The following SIK3 variants were observed in gnomAD, a reference collection of about 807,000 sequenced individuals.
SIK3 encodes serine/threonine-protein kinase SIK3.
Under a neutral mutation model 144.2 loss-of-function variants are expected in SIK3, and 28 were observed. The ratio of observed to expected loss-of-function variants is 0.19; its 90% CI spans 0.14 to 0.27. The LOEUF is 0.27. SIK3 is among the 10% of genes least tolerant of loss of function. The pLI, the probability that SIK3 is intolerant of heterozygous loss-of-function variation, is 1.00. For missense variants in SIK3, 1,319 were observed against 1,776.0 expected (o/e 0.74, Z 4.62); for synonymous variants, 686 against 676.3 (o/e 1.01, Z -0.22).
At chr11:116,872,348 C>T (rs987668664) in intron 13 of SIK3, among the ~76,000 whole-genome samples, 6 of 152,226 alleles carry the variant, frequency 3.9e-5, no homozygotes, top group Non-Finnish European at 7.3e-5. Context: ...ATGATCCTTC[C>T]AAACCTGTCT....
chr11:117,098,103 C>G, intron 1 of SIK3, 40 bp downstream of exon 1: 1 of 1,395,028 alleles, frequency 7.2e-7, no homozygotes. Context: ...TCTCCCGGCC[C>G]CGCCACGCTC....
chr11:117,048,745 G>GA (rs1953083883), intron 1 of SIK3, among the ~76,000 whole-genome samples: 1 of 151,946 alleles, frequency 6.6e-6, no homozygotes, highest in South Asian at 2.1e-4. Context: ...ACATATCCAA[G>GA]AAAAAAATGC....
At chr11:116,896,402 C>T in intron 5 of SIK3, 26 bp from the exon 6 acceptor site, 1 of 1,609,522 alleles carries the variant, frequency 6.2e-7, no homozygotes, top group Non-Finnish European at 8.5e-7. Flanking sequence ...AGAGGATGTA[C>T]AATTAATCAC....
intron 13 of SIK3, 134 bp from the exon 14 acceptor site, chr11:116,870,535 T>A (rs1943913285): frequency 8.7e-7 from 1 of 1,153,224 alleles, no homozygotes; most frequent in African/African-American, 1.6e-5. Flanking sequence ...TCCTGGGTTA[T>A]ACAGGATTTT....
intron 1 of SIK3, among the ~76,000 whole-genome samples, chr11:117,059,900 G>A (rs1016606031): frequency 6.6e-6 from 1 of 152,208 alleles, no homozygotes; most frequent in African/African-American, 2.4e-5. Context: ...TTTACTGCTG[G>A]TGGGAAAGCA....
chr11:116,938,764 C>CA (rs1201394509), intron 3 of SIK3, among the ~76,000 whole-genome samples: 2 of 151,918 alleles, frequency 1.3e-5, no homozygotes, highest in Non-Finnish European at 2.9e-5. Flanking sequence ...ACAAAAATAT[C>CA]AAAGACTATT....
At chr11:116,917,473 G>A (rs748577031) in intron 4 of SIK3, among the ~76,000 whole-genome samples, 12 of 152,098 alleles carry the variant, frequency 7.9e-5, no homozygotes, top group Non-Finnish European at 1.5e-4. Context: ...AGTTAGGTAG[G>A]TGGGGTGAGA....
chr11:116,851,033 C>A (rs1262855719), intron 21 of SIK3, among the ~76,000 whole-genome samples: 1 of 152,104 alleles, frequency 6.6e-6, no homozygotes, highest in Non-Finnish European at 1.5e-5. Flanking sequence ...AAAATAAATA[C>A]TCTCTTAATA....
intron 1 of SIK3, among the ~76,000 whole-genome samples, chr11:117,047,069 TTAATA>T (rs1461398862): frequency 6.6e-6 from 1 of 152,236 alleles, no homozygotes; most frequent in Non-Finnish European, 1.5e-5. Flanking sequence ...TCCACAGTAT[TTAATA>T]TAACTTTTAT....
intron 1 of SIK3, among the ~76,000 whole-genome samples, chr11:116,973,272 G>A (rs948181847): frequency 6.6e-6 from 1 of 152,168 alleles, no homozygotes; most frequent in African/African-American, 2.4e-5. Flanking sequence ...AACAGCTCAT[G>A]GTTCTTTATA....
Position 116,858,470 on chromosome 11 carries a change from G to A in SIK3, c.2995C>T (p.Leu999=), listed in dbSNP as rs1414814279. 2 of 1,605,572 alleles carry A rather than the reference G, an allele frequency of 1.2e-6. No individual in the cohort carries two copies. Among genetic ancestry groups the A allele is most frequent in the African/African-American group, 1.3e-5 (1 of 74,928 alleles). The change falls in exon 21 of 25, where the codon CTG becomes TTG. Residue 999 remains leucine (L), a synonymous_variant. Coordinates refer to ENST00000445177, the MANE Select transcript of SIK3 (RefSeq NM_001366686.3). The surrounding 1 kb of genome is among the most constrained non-coding windows in gnomAD (Gnocchi z 5.4). ...HYTTSALQQA[L]LSPTPPDYTR... is the part of the protein sequence containing the mutation. ...TAGTCTGGCGGCGTGGGAGACAGCA[G>A]GGCCTGCTGTAGTGCCGACGTGGTA...
intron 1 of SIK3, among the ~76,000 whole-genome samples, chr11:116,992,325 C>T (rs981123734): frequency 1.5e-5 from 2 of 131,660 alleles, no homozygotes; most frequent in South Asian, 2.6e-4. Context: ...ACCCCCCCCC[C>T]CAAAAAAAAA....
At chr11:116,937,621 T>G (rs1182975997) in intron 3 of SIK3, among the ~76,000 whole-genome samples, 1 of 152,198 alleles carries the variant, frequency 6.6e-6, no homozygotes, top group Non-Finnish European at 1.5e-5. Context: ...TTTCAATCAA[T>G]CAGTCTCTCC....
chr11:117,031,148 T>C (rs1250876224), intron 1 of SIK3, among the ~76,000 whole-genome samples: 4 of 152,254 alleles, frequency 2.6e-5, no homozygotes, highest in African/African-American at 9.6e-5. Flanking sequence ...CAAAATGTTT[T>C]AGTTCTTATG....
intron 1 of SIK3, among the ~76,000 whole-genome samples, chr11:116,997,797 G>C (rs1184677030): frequency 6.6e-6 from 1 of 152,208 alleles, no homozygotes; most frequent in Non-Finnish European, 1.5e-5. Flanking sequence ...CATACGACCA[G>C]GACAGTCAAG....
chr11:116,937,640 A>C (rs972203092), intron 3 of SIK3, among the ~76,000 whole-genome samples: 3 of 152,214 alleles, frequency 2.0e-5, no homozygotes, highest in Non-Finnish European at 4.4e-5. Flanking sequence ...CCCCTCACTC[A>C]TATCAAAAAA....
At chr11:116,950,240 C>T in intron 3 of SIK3, 1 of 447,156 alleles carries the variant, frequency 2.2e-6, no homozygotes, top group Non-Finnish European at 4.6e-6. Flanking sequence ...ATGAGAATTG[C>T]TGATGTCCAA....
In SIK3 at chr11:116,849,675, T is replaced by C. The variant is rs1027132758; in HGVS notation, c.3656-392A>G. 6.6e-6 allele frequency among the ~76,000 whole-genome samples: 1 copy of C among 152,102 alleles called. No homozygotes were observed. The highest frequency in any genetic ancestry group is 6.6e-5 in the Admixed American group (1 of 15,256). On this transcript the variant is annotated intron_variant, in intron 21 of 24. Transcript: ENST00000445177. This position sits in a 1 kb window ranked among gnomAD's most constrained non-coding sequence, Gnocchi z 4.2. ...GTTCTGTGGCTGGCTGCGTCCTCTC[T>C]CCTCCCCCGGTGACCTCAGTGTACC...
Position 116,861,596 on chromosome 11 carries a change from T to C in SIK3, c.2316-213A>G, listed in dbSNP as rs555994363. Among the ~76,000 whole-genome samples the C allele has an allele frequency of 6.6e-5, 10 of 152,342 alleles. No homozygotes were observed. In the East Asian group the frequency reaches 1.9e-3, roughly 29 times the overall value. Reference sequence around the variant, plus strand: ...AACTCAGCCAAAATGGCAGAGTTCATTGTGGGCCTATGTCTGGCTCCTGTA... The same window carrying C: ...AACTCAGCCAAAATGGCAGAGTTCACTGTGGGCCTATGTCTGGCTCCTGTA... On this transcript the variant is annotated intron_variant, in intron 18 of 24. Transcript: ENST00000445177.
Sources: allele counts gnomAD v4.1 joint callset (sites outside exome capture counted in the v4.1 genomes callset), GRCh38; gene constraint gnomAD v4.1.1; non-coding constraint Gnocchi (gnomAD v3.1); transcripts MANE v1.5; gene names NCBI Gene and HGNC (gene_info 2026-07-23, HGNC 2026-07-21).